Variants in SYMPK observed in about 807,000 individuals in gnomAD.
SYMPK encodes the protein symplekin scaffold protein, also known as symplekin.
SYMPK carries 49 observed loss-of-function variants against 136.4 expected under a neutral mutation model. That is an observed-to-expected ratio of 0.36 (90% CI 0.29 to 0.46). SYMPK has a LOEUF of 0.46. SYMPK is among the 20% of genes least tolerant of loss of function. SYMPK has a pLI of 1.00. For synonymous variants in SYMPK, 766 were observed against 713.0 expected (o/e 1.07, Z -1.19); for missense variants, 1,365 against 1,690.0 (o/e 0.81, Z 3.37).
chr19:45,822,259 C>T (rs1469830156), intron 21 of SYMPK, among the ~76,000 whole-genome samples: 1 of 152,040 alleles, frequency 6.6e-6, no homozygotes, highest in African/African-American at 2.4e-5. Flanking sequence ...GCTGGGACTA[C>T]AGGCGCCCGC....
chr19:45,818,117 C>A lies in SYMPK; in HGVS notation c.2923G>T (p.Val975Leu), dbSNP rs372937364. 1 of 1,553,012 alleles carries A rather than the reference C, an allele frequency of 6.4e-7. No homozygotes were observed. Among genetic ancestry groups the A allele is most frequent in the African/African-American group, 1.4e-5 (1 of 73,188 alleles). ...ATNLCFAERN[V>L]YTSEVLAVVM... ...ACGGCCAGCACCTCTGACGTGTACA[C>A]GTTCCGCTCCGCAAAGCACAGGTTG... is the stretch of plus-strand genomic sequence containing the variant. Residue 975 changes from valine (V) to leucine (L), a missense_variant, in exon 23 of 27, where the codon GTG becomes TTG. Val to Leu is a conservative substitution (Grantham distance 32). Around this residue, in one of 11 missense-constraint regions of SYMPK, gnomAD observed 156 missense variants for 217.8 expected, o/e 0.72. Transcript: ENST00000245934.
chr19:45,842,128 G>T lies in SYMPK; in HGVS notation c.1087+122C>A. On this transcript the variant is annotated intron_variant, in intron 9 of 26. Coordinates refer to ENST00000245934, the MANE Select transcript of SYMPK (RefSeq NM_004819.3). ...TGGGAATACAGGTGTGAGCCACTGT[G>T]CCTGGCCCACATAACATAATCTATA... The T allele has an allele frequency of 6.2e-6, 9 of 1,458,790 alleles. No individual in the cohort carries two copies. The South Asian group carries it at 1.0e-4, about 17-fold the overall frequency. 90.4% of individuals were successfully genotyped at this position (1,458,790 alleles called of 1,614,324 possible).
intron 17 of SYMPK, 142 bp from the exon 18 acceptor site, chr19:45,825,473 AG>A: frequency 9.3e-7 from 1 of 1,075,696 alleles, no homozygotes; most frequent in Non-Finnish European, 1.3e-6. Context: ...GTTCTAGGGC[AG>A]GGAAATGGCG....
chr19:45,821,405 C>T lies in SYMPK; in HGVS notation c.2872G>A (p.Asp958Asn), dbSNP rs1033820860. The T allele has an allele frequency of 3.1e-6, 5 of 1,613,794 alleles. No individual in the cohort carries two copies. The highest frequency in any genetic ancestry group is 1.3e-5 in the African/African-American group (1 of 74,862). The change falls in exon 22 of 27, where the codon GAC (aspartate) becomes AAC (asparagine). Residue 958 changes from aspartate (D) to asparagine (N), a missense_variant. Physicochemically the swap from Asp to Asn is conservative, Grantham distance 23. Around this residue, in one of 11 missense-constraint regions of SYMPK, gnomAD observed 156 missense variants for 217.8 expected, o/e 0.72. Coordinates refer to ENST00000245934, the MANE Select transcript of SYMPK (RefSeq NM_004819.3). This position sits in a 1 kb window ranked among gnomAD's most constrained non-coding sequence, Gnocchi z 4.4. ...TCACCTTTGATGATGGATTTCATGTCGCACTTCACGGAGTCAATGTTGTGT... is the reference window on the plus strand; with the variant it reads ...TCACCTTTGATGATGGATTTCATGTTGCACTTCACGGAGTCAATGTTGTGT... Reference protein sequence around the residue: ...ALHNIDSVKCDMKSIIKATNL... With the variant: ...ALHNIDSVKCNMKSIIKATNL...
intron 14 of SYMPK, 186 bp downstream of exon 14, chr19:45,828,784 C>A (rs1448555888): frequency 8.1e-6 from 5 of 613,648 alleles, no homozygotes; most frequent in Admixed American, 5.9e-5. Flanking sequence ...GACCTGGAGC[C>A]CACATGCAAA....
chr19:45,852,566 A>T, intron 3 of SYMPK, 31 bp from the exon 4 acceptor site: 1 of 1,613,826 alleles, frequency 6.2e-7, no homozygotes, highest in Non-Finnish European at 8.5e-7. Context: ...GGGAGGAGGA[A>T]TACCCATATA....
At chr19:45,841,008 C>T (rs577218008) in intron 9 of SYMPK, among the ~76,000 whole-genome samples, 7 of 150,060 alleles carry the variant, frequency 4.7e-5, no homozygotes, top group East Asian at 2.0e-4. Context: ...TTTTTTGAGA[C>T]GGAGTCTTGC....
intron 9 of SYMPK, among the ~76,000 whole-genome samples, chr19:45,841,835 A>G (rs950601627): frequency 1.3e-5 from 2 of 152,114 alleles, no homozygotes; most frequent in African/African-American, 2.4e-5. Flanking sequence ...AAGTGTTCAC[A>G]CCTGGGGAGT....
chr19:45,854,821 C>A, intron 1 of SYMPK: 1 of 367,550 alleles, frequency 2.7e-6, no homozygotes. Context: ...TGCAGGTCTC[C>A]GTGTGTCCCC....
At position 45,835,232 on chromosome 19, in the gene SYMPK, T is replaced by C. The variant is rs750796955; in HGVS notation, c.1243-4A>G. 2 of 1,583,006 alleles carry C rather than the reference T, an allele frequency of 1.3e-6. No homozygotes were observed. Among genetic ancestry groups the C allele is most frequent in the South Asian group, 1.1e-5 (1 of 87,962 alleles). On this transcript the variant is annotated splice_region_variant and splice_polypyrimidine_tract_variant and intron_variant, in intron 10 of 26. Transcript: ENST00000245934. ...GGTACACCATGCTGATGAGGACCTG[T>C]GGGATGCCCAGGAAGAGAGCCTCTC...
intron 8 of SYMPK, among the ~76,000 whole-genome samples, chr19:45,843,474 T>A (rs889416889): frequency 6.6e-6 from 1 of 152,100 alleles, no homozygotes; most frequent in African/African-American, 2.4e-5. Flanking sequence ...ACTGGAATAT[T>A]TGAAAGTATT....
rs373039738 is a variant in SYMPK at position 45,816,464 on chromosome 19, G to A, written c.3354+18C>T. The A allele has an allele frequency of 2.1e-5, 33 of 1,605,634 alleles. No homozygotes were observed. The African/African-American group carries it at 3.5e-4, about 17-fold the overall frequency. ...TGGGAGTCTGGGGATCCAGATGGGT[G>A]GGCTGCAGGGCCCTCACCTCCTCCA... On this transcript the variant is annotated intron_variant, in intron 25 of 26. Coordinates refer to ENST00000245934, the MANE Select transcript of SYMPK (RefSeq NM_004819.3).
intron 21 of SYMPK, 25 bp downstream of exon 21, chr19:45,822,731 G>T: frequency 1.2e-6 from 2 of 1,607,672 alleles, no homozygotes; most frequent in Non-Finnish European, 1.7e-6. Context: ...GGGCCTCTTG[G>T]TGGGGATGAG....
At chr19:45,844,308 T>A in intron 7 of SYMPK, 108 bp from the exon 8 acceptor site, 1 of 856,342 alleles carries the variant, frequency 1.2e-6, no homozygotes, top group Non-Finnish European at 1.7e-6. Flanking sequence ...CCTAGATGTC[T>A]ATGAATGGCG....
chr19:45,817,315 A>C (rs1380123393), intron 23 of SYMPK, among the ~76,000 whole-genome samples: 6 of 150,370 alleles, frequency 4.0e-5, no homozygotes, highest in Admixed American at 4.0e-4. Context: ...TAAACAGCGG[A>C]GGTCCGTGCC....
rs200976914 is a variant in SYMPK, at chr19:45,825,124, A to G, written c.2490+47T>C. 178 of 1,586,058 alleles carry G rather than the reference A, an allele frequency of 1.1e-4. 3 individuals are homozygous for G. In the African/African-American group the frequency reaches 2.1e-3, roughly 19 times the overall value. ...GGGGAAGAGCTGGAGCTGGGGACAC[A>G]GCCTTGCCCGTGGGTGGGCAGGGCC... On this transcript the variant is annotated intron_variant, in intron 18 of 26. Coordinates refer to ENST00000245934, the MANE Select transcript of SYMPK (RefSeq NM_004819.3).
chr19:45,825,044 G>T, intron 18 of SYMPK, 127 bp downstream of exon 18: 1 of 1,211,050 alleles, frequency 8.3e-7, no homozygotes, highest in Non-Finnish European at 1.2e-6. Flanking sequence ...CACAGCCTGG[G>T]TCGGCCCGGG....
At chr19:45,858,998 C>T (rs1168763383) in intron 1 of SYMPK, among the ~76,000 whole-genome samples, 2 of 151,980 alleles carry the variant, frequency 1.3e-5, no homozygotes, top group Non-Finnish European at 2.9e-5. Flanking sequence ...GTCTTGAACT[C>T]CTGCACTCAA....
intron 11 of SYMPK, among the ~76,000 whole-genome samples, chr19:45,832,090 G>A (rs1244150903): frequency 2.6e-5 from 4 of 152,124 alleles, no homozygotes; most frequent in Admixed American, 6.6e-5. Context: ...CGATCCTCCC[G>A]CCTTGGACTT....
Sources: allele counts gnomAD v4.1 joint callset (sites outside exome capture counted in the v4.1 genomes callset), GRCh38; gene constraint gnomAD v4.1.1; regional missense constraint gnomAD v4.1.1; non-coding constraint Gnocchi (gnomAD v3.1); transcripts MANE v1.5; gene names NCBI Gene and HGNC (gene_info 2026-07-23, HGNC 2026-07-21).